The following HOXB7 variants were observed in gnomAD, a reference collection of about 807,000 sequenced individuals.
HOXB7 encodes homeobox protein Hox-B7.
HOXB7 carries 11 observed loss-of-function variants against 19.2 expected under a neutral mutation model. The ratio of observed to expected loss-of-function variants is 0.57; its 90% CI spans 0.36 to 0.95. HOXB7 has a LOEUF of 0.95. Among genes scored for constraint, HOXB7 ranks in the 40% least tolerant of loss-of-function variants. The pLI is 0.01. For missense variants in HOXB7, 318 were observed against 301.1 expected, an observed-to-expected ratio of 1.06 and a Z score of -0.42; for synonymous variants, 141 against 130.2, an observed-to-expected ratio of 1.08 and a Z score of -0.56.
At chr17:48,609,358 G>GA (rs2070620083) in intron 1 of HOXB7, among the ~76,000 whole-genome samples, 4 of 152,288 alleles carry the variant, frequency 2.6e-5, no homozygotes, top group South Asian at 2.1e-4. Flanking sequence ...CTGATGAGCA[G>GA]AAAAAATGGG....
rs777889579 is a variant in HOXB7 at position 48,608,012 on chromosome 17, G to C, written c.484C>G (p.Leu162Val). 6.2e-6 allele frequency: 10 copies of C among 1,614,222 alleles called. No homozygotes were observed. The South Asian group carries it at 6.6e-5, about 11-fold the overall frequency. ...LEKEFHYNRYLTRRRRIEIAH... is the reference protein window; with the variant it reads ...LEKEFHYNRYVTRRRRIEIAH... ...ATCTCGATGCGCCGCCGCCGCGTCA[G>C]GTAGCGATTGTAGTGAAATTCTTTC... is the stretch of plus-strand genomic sequence containing the variant. The change falls in exon 2 of 2, where the codon CTG becomes GTG. Residue 162 changes from leucine to valine, a missense_variant. Transcript: ENST00000239165.
In HOXB7 at chr17:48,607,701, G is replaced by A; in HGVS notation, c.*141C>T. ...TTTTTAAACTCCTTTCATTTAAATA[G>A]GGTTTTTTTTTTGTTTTTTTTGTTT... On this transcript the variant is annotated 3_prime_UTR_variant, in exon 2 of 2. Coordinates refer to ENST00000239165, the MANE Select transcript of HOXB7 (RefSeq NM_004502.4). The A allele has an allele frequency of 1.4e-6, 1 of 718,406 alleles. No homozygotes were observed. The highest frequency in any genetic ancestry group is 2.1e-6 in the Non-Finnish European group (1 of 475,298). 44.5% of individuals were successfully genotyped at this position (718,406 alleles called of 1,614,324 possible). A position where few individuals can be genotyped will look rare whatever the true frequency, so the allele number is the denominator to read the frequency against.
rs765558409 is a variant in HOXB7 at position 48,608,081 on chromosome 17, G to C, written c.415C>G (p.Arg139Gly). 2 of 1,613,012 alleles carry C rather than the reference G, an allele frequency of 1.2e-6. No individual in the cohort carries two copies. The highest frequency in any genetic ancestry group is 8.5e-7 in the Non-Finnish European group (1 of 1,179,564). The change falls in exon 2 of 2, where the codon CGA (arginine) becomes GGA (glycine). Residue 139 changes from arginine to glycine, a missense_variant. Transcript: ENST00000239165. ...TAGCGGGTGTAGGTCTGGCGGCCTC[G>C]TTTGCGGTCAGTTCCTGCACACAGT... The part of the protein sequence containing the change: ...WMRSSGTDRK[R>G]GRQTYTRYQT...
intron 1 of HOXB7, among the ~76,000 whole-genome samples, chr17:48,609,753 G>T (rs2070623821): frequency 6.6e-6 from 1 of 152,032 alleles, no homozygotes; most frequent in South Asian, 2.1e-4. Flanking sequence ...GTTCTTTAGG[G>T]GTTCCTAGGA....
At position 48,610,928 on chromosome 17, in the gene HOXB7, G is replaced by T. The variant is rs761541738; in HGVS notation, c.-10C>A. 17 of 1,475,844 alleles carry T rather than the reference G, an allele frequency of 1.2e-5. No individual in the cohort carries two copies. Among genetic ancestry groups the T allele is most frequent in the Non-Finnish European group, 1.5e-5 (17 of 1,112,142 alleles). 91.4% of individuals were successfully genotyped at this position (1,475,844 alleles called of 1,614,324 possible). On this transcript the variant is annotated 5_prime_UTR_variant, in exon 1 of 2. Transcript: ENST00000239165. ...AATACAATGAACTCATAATTTGGCC[G>T]GATGATTTGTAGGCAGGGACGTTTT...
At position 48,608,378 on chromosome 17, in the gene HOXB7, T is replaced by C. The variant is rs575464884; in HGVS notation, c.401-283A>G. The C allele has an allele frequency of 5.3e-4, 83 of 156,110 alleles. No individual in the cohort carries two copies. In the South Asian group the frequency reaches 9.7e-3, roughly 18 times the overall value. The allele number at this position is 156,110 out of a possible 1,614,324, so 9.7% of individuals were successfully genotyped here. A position where few individuals can be genotyped will look rare whatever the true frequency, so the allele number is the denominator to read the frequency against. The stretch of plus-strand genomic sequence containing the variant: ...GGCAGAGCTTGCAGTGAGCCGAGAT[T>C]GCGCCACTGCACTCCAGTCTGGGCG... On this transcript the variant is annotated intron_variant, in intron 1 of 1. Coordinates refer to ENST00000239165, the MANE Select transcript of HOXB7 (RefSeq NM_004502.4).
chr17:48,608,838 C>A (rs1162156048), intron 1 of HOXB7, among the ~76,000 whole-genome samples: 1 of 152,190 alleles, frequency 6.6e-6, no homozygotes, highest in Non-Finnish European at 1.5e-5. Flanking sequence ...CCAAGAGAAA[C>A]CATGCAAGTG....
Position 48,607,871 on chromosome 17 carries a change from C to T in HOXB7, c.625G>A (p.Ala209Thr). The T allele has an allele frequency of 6.2e-7, 1 of 1,614,136 alleles. No homozygotes were observed. The highest frequency in any genetic ancestry group is 1.1e-5 in the South Asian group (1 of 91,084). ...TCTTCCTCTTCCTCCTCTGCTTCAG[C>T]CCTGTCTTGGCCGGTGGTCCCCGGG... ...AGPGTTGQDR[A>T]EAEEEEEE The change falls in exon 2 of 2, where the codon GCT becomes ACT. Residue 209 changes from alanine (A) to threonine (T), a missense_variant. Coordinates refer to ENST00000239165, the MANE Select transcript of HOXB7 (RefSeq NM_004502.4).
At chr17:48,610,486 T>TG in intron 1 of HOXB7, 33 bp downstream of exon 1, 1 of 1,401,052 alleles carries the variant, frequency 7.1e-7, no homozygotes, top group Non-Finnish European at 9.3e-7. Context: ...CCCCGGCCCC[T>TG]GGGGCTCAGG....
Position 48,610,806 on chromosome 17 carries a change from G to C in HOXB7, c.113C>G (p.Pro38Arg), listed in dbSNP as rs757022553. Reference sequence around the variant, plus strand: ...ACCCGCTCCATAGCCCGGGCGCTGGGGGTTGGAAGCAAACGCACAAGAAGT... The same window carrying C: ...ACCCGCTCCATAGCCCGGGCGCTGGCGGTTGGAAGCAAACGCACAAGAAGT... ...EQTSCAFASNPQRPGYGAGSG... is the reference protein window; with the variant it reads ...EQTSCAFASNRQRPGYGAGSG... Residue 38 changes from proline (P) to arginine (R), a missense_variant, in exon 1 of 2, where the codon CCC (proline) becomes CGC (arginine). Coordinates refer to ENST00000239165, the MANE Select transcript of HOXB7 (RefSeq NM_004502.4). The C allele has an allele frequency of 2.5e-6, 4 of 1,594,284 alleles. No homozygotes were observed. The East Asian group carries it at 9.0e-5, about 36-fold the overall frequency.
Position 48,607,827 on chromosome 17 carries a change from C to A in HOXB7, c.*15G>T, listed in dbSNP as rs1275014913. The A allele has an allele frequency of 1.0e-5, 16 of 1,601,180 alleles. No homozygotes were observed. The highest frequency in any genetic ancestry group is 1.4e-5 in the Non-Finnish European group (16 of 1,168,924). On this transcript the variant is annotated 3_prime_UTR_variant, in exon 2 of 2. Transcript: ENST00000239165. ...TCCCTTTCTCATGTCTCTTCCTCTGCCCTTTCTCCATCCCTCACTCTTCCT... is the reference window on the plus strand; with the variant it reads ...TCCCTTTCTCATGTCTCTTCCTCTGACCTTTCTCCATCCCTCACTCTTCCT...
At position 48,610,723 on chromosome 17, in the gene HOXB7, C is replaced by T; in HGVS notation, c.196G>A (p.Ala66Thr). The change falls in exon 1 of 2, where the codon GCG becomes ACG. Residue 66 changes from alanine (A) to threonine (T), a missense_variant. Coordinates refer to ENST00000239165, the MANE Select transcript of HOXB7 (RefSeq NM_004502.4). The stretch of plus-strand genomic sequence containing the variant: ...TAGACGCCGGCCGCGCTCTGGCCCG[C>T]CATGCCCCCCCCGCCGGGGTACAAG... ...QGLYPGGGGM[A>T]GQSAAGVYAA... The T allele has an allele frequency of 6.3e-7, 1 of 1,595,942 alleles. No individual in the cohort carries two copies. The highest frequency in any genetic ancestry group is 1.1e-5 in the South Asian group (1 of 89,770).
Position 48,608,033 on chromosome 17 carries a change from C to A in HOXB7, c.463G>T (p.Glu155Ter). The part of the protein sequence containing the change: ...TRYQTLELEK[E>*]FHYNRYLTRR... ...GTCAGGTAGCGATTGTAGTGAAATT[C>A]TTTCTCCAGCTCCAGGGTCTGGTAG... Residue 155 changes from glutamate to a stop codon, truncating the protein, a stop_gained, in exon 2 of 2, where the codon GAA (glutamate) becomes TAA (stop). Coordinates refer to ENST00000239165, the MANE Select transcript of HOXB7 (RefSeq NM_004502.4). LOFTEE classifies it high-confidence loss of function. 6.2e-7 allele frequency: 1 copy of A among 1,614,214 alleles called. No homozygotes were observed. The highest frequency in any genetic ancestry group is 8.5e-7 in the Non-Finnish European group (1 of 1,180,036).
At position 48,607,577 on chromosome 17, in the gene HOXB7, T is replaced by G; in HGVS notation, c.*265A>C. The G allele has an allele frequency of 2.3e-6, 1 of 437,556 alleles. No homozygotes were observed. The highest frequency in any genetic ancestry group is 4.0e-6 in the Non-Finnish European group (1 of 248,102). 27.1% of individuals were successfully genotyped at this position (437,556 alleles called of 1,614,324 possible). A position where few individuals can be genotyped will look rare whatever the true frequency, so the allele number is the denominator to read the frequency against. ...GAACAGGTAGATAATATCCTTTTCA[T>G]ATTGTACAAAAAAACCAAACCTGAC... On this transcript the variant is annotated 3_prime_UTR_variant, in exon 2 of 2. Transcript: ENST00000239165.
At position 48,607,791 on chromosome 17, in the gene HOXB7, TTCTCTTCCTCTCCCTTTCTCATG is replaced by T. The variant is rs769683058; in HGVS notation, c.*28_*50del. ...CCTGATTCAGTTCCCAGAGCTGGGC[TTCTCTTCCTCTCCCTTTCTCATG>T]TCTCTTCCTCTGCCCTTTCTCCATC... On this transcript the variant is annotated 3_prime_UTR_variant, in exon 2 of 2. Coordinates refer to ENST00000239165, the MANE Select transcript of HOXB7 (RefSeq NM_004502.4). 7.0e-7 allele frequency: 1 copy of T among 1,430,516 alleles called. No homozygotes were observed. The highest frequency in any genetic ancestry group is 1.8e-5 in the Admixed American group (1 of 55,578). The allele number at this position is 1,430,516 out of a possible 1,614,324, so 88.6% of individuals were successfully genotyped here.
chr17:48,610,898 C>G lies in HOXB7; in HGVS notation c.21G>C (p.Ala7=). The G allele has an allele frequency of 6.6e-7, 1 of 1,509,764 alleles. No homozygotes were observed. The highest frequency in any genetic ancestry group is 8.9e-7 in the Non-Finnish European group (1 of 1,128,982). 93.5% of individuals were successfully genotyped at this position (1,509,764 alleles called of 1,614,324 possible). ...CTGGATATTTAGAAAATAAAGTATT[C>G]GCATAATACAATGAACTCATAATTT... MSSLYY[A]NTLFSKYPAS... Residue 7 remains alanine, a synonymous_variant, in exon 1 of 2, where the codon GCG becomes GCC. Transcript: ENST00000239165.
At chr17:48,608,665 T>C (rs1052658999) in intron 1 of HOXB7, among the ~76,000 whole-genome samples, 1 of 152,224 alleles carries the variant, frequency 6.6e-6, no homozygotes, top group Non-Finnish European at 1.5e-5. Context: ...TTTTTTAGCC[T>C]GGAGCTTCTG....
At position 48,610,874 on chromosome 17, in the gene HOXB7, T is replaced by G; in HGVS notation, c.45A>C (p.Pro15=). Residue 15 remains proline, a synonymous_variant, in exon 1 of 2, where the codon CCA becomes CCC. Transcript: ENST00000239165. ...YYANTLFSKY[P]ASSSVFATGA... is the part of the protein sequence containing the mutation. ...CGGTAGCGAAAACCGAACTTGAGGC[T>G]GGATATTTAGAAAATAAAGTATTCG... The G allele has an allele frequency of 6.5e-7, 1 of 1,527,670 alleles. No individual in the cohort carries two copies. The highest frequency in any genetic ancestry group is 2.2e-5 in the Admixed American group (1 of 45,270). The allele number at this position is 1,527,670 out of a possible 1,614,324, so 94.6% of individuals were successfully genotyped here.
At position 48,610,779 on chromosome 17, in the gene HOXB7, G is replaced by T. The variant is rs886482630; in HGVS notation, c.140C>A (p.Ser47Ter). The T allele has an allele frequency of 6.3e-7, 1 of 1,599,464 alleles. No individual in the cohort carries two copies. The highest frequency in any genetic ancestry group is 1.1e-5 in the South Asian group (1 of 89,860). The change falls in exon 1 of 2, where the codon TCG (serine) becomes TAG (stop). Residue 47 changes from serine (S) to a stop codon, truncating the protein, a stop_gained. Transcript: ENST00000239165. LOFTEE classifies it high-confidence loss of function. ...CATCGAGGCGGCGAAGGAAGCGCCCGAACCCGCTCCATAGCCCGGGCGCTG... is the reference window on the plus strand; with the variant it reads ...CATCGAGGCGGCGAAGGAAGCGCCCTAACCCGCTCCATAGCCCGGGCGCTG... ...NPQRPGYGAG[S>*]GASFAASMQG... is the part of the protein sequence containing the mutation.
Sources: allele counts gnomAD v4.1 joint callset (sites outside exome capture counted in the v4.1 genomes callset), GRCh38; gene constraint gnomAD v4.1.1; transcripts MANE v1.5; gene names NCBI Gene and HGNC (gene_info 2026-07-23, HGNC 2026-07-21).